The following ARL15 variants were observed in gnomAD, a reference collection of about 807,000 sequenced individuals.
ARL15 encodes the protein ARF like GTPase 15.
Under a neutral mutation model 25.2 loss-of-function variants are expected in ARL15, and 19 were observed. The observed-to-expected ratio is 0.75, with a 90% CI of 0.53 to 1.10. The LOEUF (loss-of-function observed/expected upper bound fraction) is 1.10, where lower values mean the gene tolerates loss of function less well. ARL15 is among the 50% of genes least tolerant of loss of function. The pLI, the probability that ARL15 is intolerant of heterozygous loss-of-function variation, is 0.00. For missense variants in ARL15, 220 were observed against 246.0 expected (o/e 0.89, Z 0.71); for synonymous variants, 94 against 86.8 (o/e 1.08, Z -0.46).
chr5:54,141,306 C>G (rs911688025), intron 3 of ARL15, among the ~76,000 whole-genome samples: 8 of 151,918 alleles, frequency 5.3e-5, no homozygotes, highest in Non-Finnish European at 1.5e-5. Flanking sequence ...AACAATTCAG[C>G]TATATACGAT....
intron 1 of ARL15, among the ~76,000 whole-genome samples, chr5:54,295,234 AATT>A (rs2112698627): frequency 6.6e-6 from 1 of 152,350 alleles, no homozygotes; most frequent in Non-Finnish European, 1.5e-5. Flanking sequence ...AAGTACACAT[AATT>A]ATTTATGATA....
chr5:54,211,593 C>T (rs151007395), intron 1 of ARL15, among the ~76,000 whole-genome samples: 25,117 of 150,868 alleles, frequency 0.17, 2,497 homozygotes, highest in Admixed American at 0.29. Context: ...GCCTCAGCCT[C>T]GCGAGTAGCT....
At chr5:53,907,333 G>A (rs936014313) in intron 4 of ARL15, among the ~76,000 whole-genome samples, 2 of 150,538 alleles carry the variant, frequency 1.3e-5, no homozygotes, top group African/African-American at 2.4e-5. Context: ...ACTGGTCTTC[G>A]GGTTTAAGAG....
chr5:53,907,488 ATTTT>A (rs869174212), intron 4 of ARL15, among the ~76,000 whole-genome samples: 51 of 17,982 alleles, frequency 2.8e-3, no homozygotes, highest in Admixed American at 4.4e-3. Flanking sequence ...ATATATATAT[ATTTT>A]TTTTTTTTTT....
intron 1 of ARL15, among the ~76,000 whole-genome samples, chr5:54,192,582 AC>A (rs755812448): frequency 9.6e-5 from 14 of 145,676 alleles, no homozygotes; most frequent in Admixed American, 2.9e-4. Context: ...CAAATCTTAT[AC>A]TTTTATGTGA....
At position 54,216,969 on chromosome 5, in the gene ARL15, G is replaced by T. The variant is rs1238096507; in HGVS notation, c.49-45041C>A. Among the ~76,000 whole-genome samples the T allele has an allele frequency of 4.6e-5, 7 of 152,058 alleles. No homozygotes were observed. The South Asian group carries it at 1.5e-3, about 32-fold the overall frequency. Reference sequence around the variant, plus strand: ...CAAAAAACATTAACATTACATTTTAGTTTTTTAAATAGTTTAAGGTAAAAA... The same window carrying T: ...CAAAAAACATTAACATTACATTTTATTTTTTTAAATAGTTTAAGGTAAAAA... On this transcript the variant is annotated intron_variant, in intron 1 of 4. Transcript: ENST00000504924.
intron 1 of ARL15, among the ~76,000 whole-genome samples, chr5:54,207,376 C>T (rs1481819633): frequency 6.6e-6 from 1 of 152,194 alleles, no homozygotes; most frequent in African/African-American, 2.4e-5. Context: ...CATCTAAACA[C>T]AGACAGAGCA....
intron 4 of ARL15, among the ~76,000 whole-genome samples, chr5:54,025,649 ATTTG>A (rs3836819): frequency 0.31 from 47,000 of 150,962 alleles, 8,500 homozygotes; most frequent in African/African-American, 0.5. Context: ...CTGGCAAGTT[ATTTG>A]TTTGTTTGTT....
intron 4 of ARL15, among the ~76,000 whole-genome samples, chr5:54,088,748 T>C (rs1295411401): frequency 6.6e-6 from 1 of 152,236 alleles, no homozygotes; most frequent in Non-Finnish European, 1.5e-5. Context: ...GTAAGTGTTC[T>C]ATGAATGTTT....
At chr5:54,109,930 T>C (rs968623152) in intron 4 of ARL15, among the ~76,000 whole-genome samples, 2 of 151,878 alleles carry the variant, frequency 1.3e-5, no homozygotes, top group Non-Finnish European at 1.5e-5. Context: ...AGTTTTGCTG[T>C]TGTTGTTGTT....
intron 2 of ARL15, among the ~76,000 whole-genome samples, chr5:54,155,496 G>T (rs1428359703): frequency 6.6e-6 from 1 of 152,032 alleles, no homozygotes; most frequent in African/African-American, 2.4e-5. Flanking sequence ...TTTCTTAAAA[G>T]TACAATCATA....
intron 4 of ARL15, among the ~76,000 whole-genome samples, chr5:53,938,461 T>C (rs534109217): frequency 2.6e-4 from 39 of 152,350 alleles, no homozygotes; most frequent in Admixed American, 2.4e-3. Context: ...CCAATAACCT[T>C]TTCAGTATTT....
At chr5:53,886,804 C>T (rs1013550042) in intron 4 of ARL15, 91 bp from the exon 5 acceptor site, 15 of 1,250,190 alleles carry the variant, frequency 1.2e-5, no homozygotes, top group Admixed American at 8.1e-5. Context: ...AGGGGAATTT[C>T]GAGGCGGAAT....
intron 3 of ARL15, among the ~76,000 whole-genome samples, chr5:54,148,504 A>C (rs775460684): frequency 1.3e-5 from 2 of 152,220 alleles, no homozygotes; most frequent in Non-Finnish European, 2.9e-5. Flanking sequence ...TACCCTAAAA[A>C]AGTTGTCTTT....
intron 4 of ARL15, among the ~76,000 whole-genome samples, chr5:53,898,016 A>G (rs1264278652): frequency 6.6e-6 from 1 of 152,234 alleles, no homozygotes; most frequent in East Asian, 1.9e-4. Flanking sequence ...AATGTCATTA[A>G]TAAGATAATA....
At chr5:54,135,921 G>A (rs549190110) in intron 3 of ARL15, among the ~76,000 whole-genome samples, 1 of 152,240 alleles carries the variant, frequency 6.6e-6, no homozygotes, top group African/African-American at 2.4e-5. Flanking sequence ...GGACAGGTTA[G>A]ACCACTGCCC....
At chr5:53,923,549 T>C (rs1251269104) in intron 4 of ARL15, among the ~76,000 whole-genome samples, 2 of 152,204 alleles carry the variant, frequency 1.3e-5, no homozygotes, top group Admixed American at 1.3e-4. Flanking sequence ...ATGATTTACC[T>C]AAAGGCATCT....
chr5:54,271,268 C>T (rs1449265981), intron 1 of ARL15, among the ~76,000 whole-genome samples: 1 of 152,166 alleles, frequency 6.6e-6, no homozygotes, highest in Non-Finnish European at 1.5e-5. Flanking sequence ...TCTTATAGAT[C>T]TAAACAGTTG....
intron 4 of ARL15, among the ~76,000 whole-genome samples, chr5:54,105,071 ATAAC>A (rs1292182287): frequency 6.6e-6 from 1 of 151,342 alleles, no homozygotes; most frequent in Non-Finnish European, 1.5e-5. Context: ...CATAATTATA[ATAAC>A]TAACGCTTAT....
Sources: allele counts gnomAD v4.1 joint callset (sites outside exome capture counted in the v4.1 genomes callset), GRCh38; gene constraint gnomAD v4.1.1; transcripts MANE v1.5; gene names NCBI Gene and HGNC (gene_info 2026-07-23, HGNC 2026-07-21).